Variants in CDHR2 observed in about 807,000 individuals in gnomAD.
The protein encoded by CDHR2 is cadherin-related family member 2.
In CDHR2, 104 loss-of-function variants were observed where a neutral mutation model predicts 138.6. The ratio of observed to expected loss-of-function variants is 0.75; its 90% CI spans 0.64 to 0.88. The LOEUF is 0.88. Among genes scored for constraint, CDHR2 ranks in the 40% least tolerant of loss-of-function variants. The probability of loss-of-function intolerance (pLI) is 0.00; values close to 1 mark genes in which losing one functional copy is unlikely to be tolerated. For synonymous variants in CDHR2, 755 were observed against 742.8 expected, an observed-to-expected ratio of 1.02 and a Z score of -0.27; for missense variants, 1,624 against 1,727.6, an observed-to-expected ratio of 0.94 and a Z score of 1.06.
intron 2 of CDHR2, 57 bp downstream of exon 2, chr5:176,565,461 C>G: frequency 1.3e-6 from 2 of 1,531,578 alleles, no homozygotes; most frequent in Non-Finnish European, 1.8e-6. Flanking sequence ...TTGGCAGGAC[C>G]CTCCAGAAAG....
intron 21 of CDHR2, among the ~76,000 whole-genome samples, chr5:176,587,910 C>T (rs912866441): frequency 1.3e-5 from 2 of 152,166 alleles, no homozygotes; most frequent in African/African-American, 4.8e-5. Context: ...CAATCTTCTG[C>T]CAATTTGGTT....
intron 21 of CDHR2, 135 bp downstream of exon 21, chr5:176,586,977 C>G: frequency 1.5e-6 from 1 of 685,724 alleles, no homozygotes; most frequent in Non-Finnish European, 2.6e-6. Flanking sequence ...GAAGGGAAAC[C>G]AACACCTGTC....
rs760039691 is a variant in CDHR2 at position 176,575,513 on chromosome 5, C to T, written c.776C>T (p.Ser259Leu). ...SVAEDAAKGT[S>L]VLTVEAVDGD... is the part of the protein sequence containing the mutation. ...GACCAGGCCCCATTCCAGGGAACCT[C>T]GGTGCTGACGGTGGAGGCTGTGGAT... The change falls in exon 10 of 32, where the codon TCG (serine) becomes TTG (leucine). Residue 259 changes from serine (S) to leucine (L), a missense_variant. By Grantham distance (145) the Ser-to-Leu change is moderately radical. Transcript: ENST00000261944. 8.1e-6 allele frequency: 13 copies of T among 1,614,006 alleles called. No homozygotes were observed. In the Admixed American group the frequency reaches 1.0e-4, roughly 12 times the overall value.
At chr5:176,564,166 G>A (rs1046777779) in intron 1 of CDHR2, among the ~76,000 whole-genome samples, 1 of 152,128 alleles carries the variant, frequency 6.6e-6, no homozygotes, top group African/African-American at 2.4e-5. Flanking sequence ...TTTCTGTGGA[G>A]TGACACATCA....
intron 6 of CDHR2, among the ~76,000 whole-genome samples, chr5:176,572,023 T>C (rs1758246914): frequency 6.6e-6 from 1 of 152,054 alleles, no homozygotes; most frequent in African/African-American, 2.4e-5. Flanking sequence ...TCTCTCCTCC[T>C]CTCAGCTCTG....
rs902343845 is a variant in CDHR2 at position 176,543,465 on chromosome 5, C to G, written c.-16+696C>G. 12 of 151,986 alleles carry G rather than the reference C, an allele frequency of 7.9e-5. No homozygotes were observed. The highest frequency in any genetic ancestry group is 2.2e-4 in the African/African-American group (9 of 41,394). 9.4% of individuals were successfully genotyped at this position (151,986 alleles called of 1,614,324 possible). Reference sequence around the variant, plus strand: ...CAGCTTCCAGGACCCCCGCCCCGGCCCCGCGCGAATGGAGCTGCCTGGACC... The same window carrying G: ...CAGCTTCCAGGACCCCCGCCCCGGCGCCGCGCGAATGGAGCTGCCTGGACC... On this transcript the variant is annotated intron_variant, in intron 1 of 31. Coordinates refer to the CDHR2 transcript ENST00000510636. The surrounding 1 kb of genome is among the most constrained non-coding windows in gnomAD (Gnocchi z 4.0).
intron 1 of CDHR2, among the ~76,000 whole-genome samples, chr5:176,559,102 T>G (rs1380363529): frequency 6.6e-6 from 1 of 152,152 alleles, no homozygotes; most frequent in Non-Finnish European, 1.5e-5. Flanking sequence ...GTAGTTGAAC[T>G]TCTAACAAAG....
intron 1 of CDHR2, among the ~76,000 whole-genome samples, chr5:176,562,360 C>G (rs904722902): frequency 6.6e-6 from 1 of 151,506 alleles, no homozygotes; most frequent in Non-Finnish European, 1.5e-5. Flanking sequence ...GGAGGCTGCA[C>G]GGATTGGACG....
chr5:176,577,733 A>G lies in CDHR2; in HGVS notation c.1447A>G (p.Ser483Gly). ...TGACCACAGGCCCACGTTTCCCCAG[A>G]GCTTGTACGTCCTCACGGTGCCAGA... is the stretch of plus-strand genomic sequence containing the variant. ...INDHRPTFPQ[S>G]LYVLTVPEHS... The change falls in exon 14 of 32, where the codon AGC (serine) becomes GGC (glycine). Residue 483 changes from serine (S) to glycine (G), a missense_variant. Ser to Gly is a moderately conservative substitution (Grantham distance 56). Coordinates refer to ENST00000261944, the MANE Select transcript of CDHR2 (RefSeq NM_017675.6). 1 of 1,614,094 alleles carries G rather than the reference A, an allele frequency of 6.2e-7. No individual in the cohort carries two copies. The highest frequency in any genetic ancestry group is 8.5e-7 in the Non-Finnish European group (1 of 1,180,012).
rs376971919 is a variant in CDHR2 at position 176,557,000 on chromosome 5, TTC to T, written c.-16+7602_-16+7603del. On this transcript the variant is annotated intron_variant, in intron 1 of 31. Coordinates refer to ENST00000261944, the MANE Select transcript of CDHR2 (RefSeq NM_017675.6). ...CTTCCTCTCTTCCTTCCTTCCTTCT[TTC>T]TCTCTCTCTCTCTCTTTTTTTTTTT... 4.5e-3 allele frequency among the ~76,000 whole-genome samples: 486 copies of T among 107,832 alleles called. 7 individuals are homozygous for T. The highest frequency in any genetic ancestry group is 6.2e-3 in the Non-Finnish European group (343 of 55,072). The allele number at this position is 107,832 out of a possible 152,430, so 70.7% of individuals were successfully genotyped here. A position where few individuals can be genotyped will look rare whatever the true frequency, so the allele number is the denominator to read the frequency against.
Position 176,573,870 on chromosome 5 carries a change from G to C in CDHR2, c.406-213G>C, listed in dbSNP as rs143771312. ...CCGACAATCAGAAGCCAGCTTAGGT[G>C]GTGGAGAGGCTGTGTGGGGAGGGGA... On this transcript the variant is annotated intron_variant, in intron 6 of 31. Transcript: ENST00000261944. 8.7e-4 allele frequency among the ~76,000 whole-genome samples: 133 copies of C among 152,234 alleles called. 1 individual carries two copies. The highest frequency in any genetic ancestry group is 1.0e-3 in the Admixed American group (16 of 15,302).
At chr5:176,577,862 G>GAC in intron 14 of CDHR2, 64 bp downstream of exon 14, 1 of 1,474,150 alleles carries the variant, frequency 6.8e-7, no homozygotes, top group Non-Finnish European at 9.1e-7. Flanking sequence ...GTGTGAGTGT[G>GAC]AGAGTGTGTG....
At position 176,589,993 on chromosome 5, in the gene CDHR2, T is replaced by C. The variant is rs1350165073; in HGVS notation, c.3207-85T>C. The C allele has an allele frequency of 8.2e-6, 9 of 1,100,910 alleles. No individual in the cohort carries two copies. In the East Asian group the frequency reaches 1.6e-4, roughly 20 times the overall value. 68.2% of individuals were successfully genotyped at this position (1,100,910 alleles called of 1,614,324 possible). The stretch of plus-strand genomic sequence containing the variant: ...CAGAGGAGGTGCCCTTTCTCACTCA[T>C]ACAATTCTTAATCCCACTGGCACAG... On this transcript the variant is annotated intron_variant, in intron 24 of 31. Coordinates refer to ENST00000261944, the MANE Select transcript of CDHR2 (RefSeq NM_017675.6).
At chr5:176,547,567 T>TA (rs112035651), upstream of CDHR2, 19,890 of 152,234 alleles carry the variant, frequency 0.13, 2,787 homozygotes, top group African/African-American at 0.35. Context: ...GGCAACCTAG[T>TA]GGTCCTCTGC....
chr5:176,547,831 A>G (rs999940625), upstream of CDHR2: 1 of 152,228 alleles, frequency 6.6e-6, no homozygotes, highest in Non-Finnish European at 1.5e-5. Context: ...GGTGGCGTAT[A>G]AATTTTGTTA....
Position 176,565,419 on chromosome 5 carries a change from TC to T in CDHR2, c.52+19del, listed in dbSNP as rs746430712. ...CGTGGTGTCTGGTAGGTGTCTCCCC[TC>T]CCCAGCCACGCAGCCCTAACCTAGA... On this transcript the variant is annotated intron_variant, in intron 2 of 31. Coordinates refer to ENST00000261944, the MANE Select transcript of CDHR2 (RefSeq NM_017675.6). 1 of 1,612,690 alleles carries T rather than the reference TC, an allele frequency of 6.2e-7. No individual in the cohort carries two copies. Among genetic ancestry groups the T allele is most frequent in the Non-Finnish European group, 8.5e-7 (1 of 1,178,890 alleles).
intron 3 of CDHR2, among the ~76,000 whole-genome samples, chr5:176,567,703 A>C (rs1001837027): frequency 6.6e-5 from 10 of 151,268 alleles, no homozygotes; most frequent in African/African-American, 2.4e-4. Context: ...ATGTCGGCCA[A>C]GCTGGTTTCG....
chr5:176,595,472 G>T (rs1157325089), intron 31 of CDHR2, 60 bp from the exon 32 acceptor site: 7 of 1,504,414 alleles, frequency 4.7e-6, no homozygotes, highest in South Asian at 2.6e-5. Flanking sequence ...CTCCCCTAGG[G>T]CCTGGGGCAC....
In CDHR2 at chr5:176,578,418, G is replaced by T; in HGVS notation, c.1628G>T (p.Gly543Val). 1.2e-6 allele frequency: 2 copies of T among 1,614,100 alleles called. No individual in the cohort carries two copies. The highest frequency in any genetic ancestry group is 8.5e-7 in the Non-Finnish European group (1 of 1,180,010). ...TCAGGGACGGTGACGGTGAGGAACG[G>T]TGAGCTGCTGGACCGGGAGAGCCAG... ...PVSGTVTVRN[G>V]ELLDRESQAV... The change falls in exon 16 of 32, where the codon GGT becomes GTT. Residue 543 changes from glycine to valine, a missense_variant. By Grantham distance (109) the Gly-to-Val change is moderately radical. Around this residue, in one of 3 missense-constraint regions of CDHR2, gnomAD observed 1,061 missense variants for 1,136.6 expected, o/e 0.93. Coordinates refer to ENST00000261944, the MANE Select transcript of CDHR2 (RefSeq NM_017675.6).
Sources: allele counts gnomAD v4.1 joint callset (sites outside exome capture counted in the v4.1 genomes callset), GRCh38; gene constraint gnomAD v4.1.1; regional missense constraint gnomAD v4.1.1; non-coding constraint Gnocchi (gnomAD v3.1); transcripts MANE v1.5; gene names NCBI Gene and HGNC (gene_info 2026-07-23, HGNC 2026-07-21).